The following AFAP1 variants were observed in gnomAD, a reference collection of about 807,000 sequenced individuals.
AFAP1 encodes the protein actin filament-associated protein 1.
AFAP1 carries 75 observed loss-of-function variants against 93.9 expected under a neutral mutation model. The ratio of observed to expected loss-of-function variants is 0.80; its 90% confidence interval spans 0.66 to 0.97. The LOEUF (loss-of-function observed/expected upper bound fraction) is 0.97, where lower values mean the gene tolerates loss of function less well. Among genes scored for constraint, AFAP1 ranks in the 50% least tolerant of loss-of-function variants. The pLI, the probability that AFAP1 is intolerant of heterozygous loss-of-function variation, is 0.00. For synonymous variants in AFAP1, 517 were observed against 430.7 expected (o/e 1.20, Z -2.48); for missense variants, 1,201 against 1,050.8 (o/e 1.14, Z -1.98).
intron 3 of AFAP1, among the ~76,000 whole-genome samples, chr4:7,855,824 G>A (rs186809516): frequency 5.3e-5 from 8 of 152,194 alleles, no homozygotes; most frequent in African/African-American, 1.9e-4. Context: ...GGTTCGGTGT[G>A]TGCAGCAGTC....
At chr4:7,930,443 C>T (rs1577368653) in intron 1 of AFAP1, among the ~76,000 whole-genome samples, 2 of 152,082 alleles carry the variant, frequency 1.3e-5, no homozygotes, top group South Asian at 2.1e-4. Flanking sequence ...CTCCCCTCCC[C>T]GGAGGTAGGG....
At chr4:7,892,357 C>A (rs1011777507) in intron 1 of AFAP1, among the ~76,000 whole-genome samples, 1 of 152,156 alleles carries the variant, frequency 6.6e-6, no homozygotes, top group Non-Finnish European at 1.5e-5. Flanking sequence ...CAGATGGGCT[C>A]CTGACCACAG....
At chr4:7,882,880 C>A (rs1461556037) in intron 1 of AFAP1, among the ~76,000 whole-genome samples, 4 of 151,230 alleles carry the variant, frequency 2.6e-5, no homozygotes, top group African/African-American at 4.9e-5. Context: ...AAAGGTGATT[C>A]AATATTAGAA....
intron 6 of AFAP1, among the ~76,000 whole-genome samples, chr4:7,830,555 A>T (rs1259745946): frequency 1.3e-5 from 2 of 152,226 alleles, no homozygotes; most frequent in Non-Finnish European, 2.9e-5. Flanking sequence ...TGAATAAAGT[A>T]TCATTTACCT....
At position 7,781,476 on chromosome 4, in the gene AFAP1, G is replaced by A. The variant is rs913337138; in HGVS notation, c.1682C>T (p.Ala561Val). ...PADRKASRLSADKLSSNHYKY... is the reference protein window; with the variant it reads ...PADRKASRLSVDKLSSNHYKY... ...GTAATGGTTAGAGGACAGCTTGTCA[G>A]CAGACAGCCTAGAGGCCTTTCTGTC... The change falls in exon 13 of 18, where the codon GCT becomes GTT. Residue 561 changes from alanine (A) to valine (V), a missense_variant. By Grantham distance (64) the Ala-to-Val change is moderately conservative. Transcript: ENST00000420658. 10 of 1,552,150 alleles carry A rather than the reference G, an allele frequency of 6.4e-6. No individual in the cohort carries two copies. In the South Asian group the frequency reaches 8.3e-5, roughly 13 times the overall value.
intron 3 of AFAP1, among the ~76,000 whole-genome samples, chr4:7,859,888 C>T (rs568187300): frequency 1.7e-4 from 26 of 151,968 alleles, no homozygotes; most frequent in Non-Finnish European, 3.5e-4. Flanking sequence ...ATTCTCTTTC[C>T]AATAATAATA....
Position 7,780,666 on chromosome 4 carries a change from C to T in AFAP1, c.1782+710G>A, listed in dbSNP as rs535720508. Among the ~76,000 whole-genome samples the T allele has an allele frequency of 4.0e-5, 6 of 150,146 alleles. No individual in the cohort carries two copies. In the East Asian group the frequency reaches 1.2e-3, roughly 29 times the overall value. On this transcript the variant is annotated intron_variant, in intron 13 of 17. Coordinates refer to ENST00000420658, the MANE Select transcript of AFAP1 (RefSeq NM_001134647.2). ...ATCTTTTTTTTTTTTTTTAAAAAGGCCTAACACCACAAAATTACTCTGAAA... is the reference window on the plus strand; with the variant it reads ...ATCTTTTTTTTTTTTTTTAAAAAGGTCTAACACCACAAAATTACTCTGAAA...
In AFAP1 at chr4:7,762,945, TGCTAGCCCAAGGGGGAG is replaced by T. The variant is rs1473136550; in HGVS notation, c.*803_*819del. 3.3e-5 allele frequency: 5 copies of T among 152,286 alleles called. No homozygotes were observed. The highest frequency in any genetic ancestry group is 7.3e-5 in the Non-Finnish European group (5 of 68,124). The allele number at this position is 152,286 out of a possible 1,614,324, so 9.4% of individuals were successfully genotyped here. A position where few individuals can be genotyped will look rare whatever the true frequency, so the allele number is the denominator to read the frequency against. ...TCCGACGTGGATTAAGGGCTGGGGATGCTAGCCCAAGGGGGAGGAGGGTGTACTGTTAGTGAAGTATT... is the reference window on the plus strand; with the variant it reads ...TCCGACGTGGATTAAGGGCTGGGGATGAGGGTGTACTGTTAGTGAAGTATT... On this transcript the variant is annotated 3_prime_UTR_variant, in exon 18 of 18. Coordinates refer to ENST00000420658, the MANE Select transcript of AFAP1 (RefSeq NM_001134647.2).
chr4:7,797,071 T>TTAA (rs60056317), intron 10 of AFAP1, among the ~76,000 whole-genome samples: 126,332 of 151,372 alleles, frequency 0.83, 53,065 homozygotes, highest in African/African-American at 0.93. Flanking sequence ...AAAATAATAA[T>TTAA]TAATAATAAT....
intron 10 of AFAP1, among the ~76,000 whole-genome samples, chr4:7,795,991 G>C (rs1361471593): frequency 6.6e-6 from 1 of 152,092 alleles, no homozygotes; most frequent in Non-Finnish European, 1.5e-5. Flanking sequence ...GTGCATATAT[G>C]TATGTATGCA....
chr4:7,925,853 A>AGAAAG (rs1553857068), intron 1 of AFAP1, among the ~76,000 whole-genome samples: 5 of 147,330 alleles, frequency 3.4e-5, no homozygotes, highest in Admixed American at 2.7e-4. Context: ...CTCAAAAAAA[A>AGAAAG]AAAGAAAGAA....
At chr4:7,864,330 C>CA (rs1716166687) in intron 3 of AFAP1, among the ~76,000 whole-genome samples, 1 of 152,212 alleles carries the variant, frequency 6.6e-6, no homozygotes, top group South Asian at 2.1e-4. Context: ...CTCTGCCTGG[C>CA]ACAGCTGCCT....
intron 4 of AFAP1, among the ~76,000 whole-genome samples, chr4:7,853,414 T>C (rs1269127493): frequency 2.0e-5 from 3 of 151,932 alleles, no homozygotes; most frequent in African/African-American, 4.8e-5. Context: ...ACTCTGCAGG[T>C]GGACGCGGGG....
intron 6 of AFAP1, among the ~76,000 whole-genome samples, chr4:7,834,300 C>A (rs545501224): frequency 2.0e-5 from 3 of 152,236 alleles, no homozygotes; most frequent in East Asian, 3.9e-4. Context: ...GATGCAAAGG[C>A]ATAAGAATGA....
intron 1 of AFAP1, among the ~76,000 whole-genome samples, chr4:7,919,731 C>T (rs945128690): frequency 6.6e-6 from 1 of 152,056 alleles, no homozygotes; most frequent in Non-Finnish European, 1.5e-5. Context: ...CACCTATCAA[C>T]CCATCACCTA....
At chr4:7,836,131 G>A (rs1712270385) in intron 6 of AFAP1, among the ~76,000 whole-genome samples, 1 of 152,132 alleles carries the variant, frequency 6.6e-6, no homozygotes, top group Non-Finnish European at 1.5e-5. Flanking sequence ...AAATCTAAAT[G>A]TAAGAGCTAA....
rs1050423731 is a variant in AFAP1, at chr4:7,762,243, G to C, written c.*1522C>G. On this transcript the variant is annotated 3_prime_UTR_variant, in exon 18 of 18. Coordinates refer to ENST00000420658, the MANE Select transcript of AFAP1 (RefSeq NM_001134647.2). ...AGCTAGCGCTCTGAAAGTATGTCTG[G>C]GGGAAACCCAAGGAGTCAGTCAGTG... The C allele has an allele frequency of 2.0e-5, 3 of 152,144 alleles. No individual in the cohort carries two copies. The highest frequency in any genetic ancestry group is 4.4e-5 in the Non-Finnish European group (3 of 68,020). The allele number at this position is 152,144 out of a possible 1,614,324, so 9.4% of individuals were successfully genotyped here.
rs1577317004 is a variant in AFAP1 at position 7,867,122 on chromosome 4, G to A, written c.225+1500C>T. 9.6e-5 allele frequency among the ~76,000 whole-genome samples: 7 copies of A among 73,078 alleles called. No individual in the cohort carries two copies. The South Asian group carries it at 1.8e-3, about 19-fold the overall frequency. The allele number at this position is 73,078 out of a possible 152,430, so 47.9% of individuals were successfully genotyped here. A position where few individuals can be genotyped will look rare whatever the true frequency, so the allele number is the denominator to read the frequency against. On this transcript the variant is annotated intron_variant, in intron 3 of 17. Coordinates refer to ENST00000420658, the MANE Select transcript of AFAP1 (RefSeq NM_001134647.2). ...AGAGGGGAGTAGAGGGGAGGGGAGG[G>A]TAGGGGAGCGGAGGGGAGGGGAGGG... is the stretch of plus-strand genomic sequence containing the variant.
chr4:7,825,059 C>T (rs550158840), intron 6 of AFAP1, among the ~76,000 whole-genome samples: 1 of 152,252 alleles, frequency 6.6e-6, no homozygotes, highest in Non-Finnish European at 1.5e-5. Context: ...CTTGTTAACC[C>T]TAAGGGGTAA....
Sources: allele counts gnomAD v4.1 joint callset (sites outside exome capture counted in the v4.1 genomes callset), GRCh38; gene constraint gnomAD v4.1.1; transcripts MANE v1.5; gene names NCBI Gene and HGNC (gene_info 2026-07-23, HGNC 2026-07-21).